SHISA9: variants seen among roughly 807,000 people sequenced by gnomAD.
SHISA9 encodes protein shisa-9.
A neutral mutation model predicts 38.0 loss-of-function variants in SHISA9; 13 were observed. The observed-to-expected ratio is 0.34, with a 90% CI of 0.22 to 0.54. The LOEUF (loss-of-function observed/expected upper bound fraction) is 0.54, where lower values mean the gene tolerates loss of function less well. Ranked by LOEUF, SHISA9 falls within the 20% of genes least tolerant of loss-of-function variation. SHISA9 has a pLI of 0.91. For synonymous variants in SHISA9, 275 were observed against 242.0 expected, an observed-to-expected ratio of 1.14 and a Z score of -1.27; for missense variants, 538 against 575.8, an observed-to-expected ratio of 0.93 and a Z score of 0.67.
chr16:13,401,350 T>A, the SHISA9 span, among the ~76,000 whole-genome samples: 2 of 152,178 alleles, frequency 1.3e-5, no homozygotes. Context: ...ACTGCCAGTC[T>A]GACTCCAGAG....
At chr16:12,925,379 C>T (rs895258634) in intron 2 of SHISA9, among the ~76,000 whole-genome samples, 4 of 151,556 alleles carry the variant, frequency 2.6e-5, no homozygotes, top group Non-Finnish European at 4.4e-5. Flanking sequence ...CAGACCAGGT[C>T]AGTAAGAATC....
chr16:13,550,043 A>G, the SHISA9 span, among the ~76,000 whole-genome samples: 1 of 150,862 alleles, frequency 6.6e-6, no homozygotes. Flanking sequence ...AAAATAAAGT[A>G]TATATATTAG....
chr16:12,994,798 C>T (rs1029978914), intron 2 of SHISA9, among the ~76,000 whole-genome samples: 2 of 152,092 alleles, frequency 1.3e-5, no homozygotes, highest in Non-Finnish European at 2.9e-5. Context: ...GCAAGGATGT[C>T]CGTATCTTTG....
chr16:12,902,151 C>A lies in SHISA9; in HGVS notation c.87C>A (p.His29Gln), dbSNP rs760823740. The A allele has an allele frequency of 1.2e-5, 18 of 1,526,094 alleles. No individual in the cohort carries two copies. The South Asian group carries it at 1.3e-4, about 11-fold the overall frequency. The allele number at this position is 1,526,094 out of a possible 1,614,324, so 94.5% of individuals were successfully genotyped here. The change falls in exon 1 of 5, where the codon CAC becomes CAA. Residue 29 changes from histidine to glutamine, a missense_variant. This residue lies in a region of SHISA9 where 107 missense variants were observed against 103.0 expected (regional missense o/e 1.04). Transcript: ENST00000558583. ...GCCGGGCGCAGGAGCGAGCGGGACA[C>A]GGGCAGCTGGCGCAACTGGGCGGCG... ...RVCRAQERAG[H>Q]GQLAQLGGVL...
At chr16:13,554,442 AT>A in the SHISA9 span, among the ~76,000 whole-genome samples, 1 of 151,288 alleles carries the variant, frequency 6.6e-6, no homozygotes, top group Non-Finnish European at 1.5e-5. Flanking sequence ...GAAAAAAATC[AT>A]GGTAAAATCT....
intron 4 of SHISA9, among the ~76,000 whole-genome samples, chr16:13,230,582 G>C (rs950188647): frequency 7.9e-5 from 12 of 152,176 alleles, no homozygotes; most frequent in Admixed American, 6.5e-4. Context: ...AATGTTGCTG[G>C]GTTCAGGCAT....
At chr16:13,027,427 C>G (rs1023050766) in intron 2 of SHISA9, among the ~76,000 whole-genome samples, 1 of 152,116 alleles carries the variant, frequency 6.6e-6, no homozygotes, top group African/African-American at 2.4e-5. Flanking sequence ...TGCAACCCAG[C>G]AATTTTACTC....
intron 2 of SHISA9, among the ~76,000 whole-genome samples, chr16:13,113,342 G>GTA (rs760854429): frequency 2.0e-5 from 3 of 152,146 alleles, no homozygotes; most frequent in Non-Finnish European, 4.4e-5. Flanking sequence ...CAGTCACAGA[G>GTA]TATCTGCTGT....
the SHISA9 span, among the ~76,000 whole-genome samples, chr16:13,515,912 A>C: frequency 1.3e-5 from 2 of 152,238 alleles, no homozygotes; most frequent in African/African-American, 2.4e-5. Flanking sequence ...CATGTTTCAC[A>C]CATTGTCATT....
the SHISA9 span, among the ~76,000 whole-genome samples, chr16:13,476,959 G>A: frequency 6.6e-6 from 1 of 151,800 alleles, no homozygotes; most frequent in South Asian, 2.1e-4. Context: ...CTGTGTCCAG[G>A]ATGGTCTCGA....
intron 2 of SHISA9, among the ~76,000 whole-genome samples, chr16:13,028,391 G>T (rs2072951022): frequency 6.6e-6 from 1 of 152,084 alleles, no homozygotes; most frequent in Admixed American, 6.6e-5. Flanking sequence ...AAGAGAAAGA[G>T]GTTGAATGGA....
chr16:13,278,891 A>G, the SHISA9 span, among the ~76,000 whole-genome samples: 43 of 151,592 alleles, frequency 2.8e-4, no homozygotes, highest in African/African-American at 1.0e-3. Flanking sequence ...TATCTTTTGT[A>G]TTTTTTTGGT....
chr16:13,257,030 A>T, the SHISA9 span, among the ~76,000 whole-genome samples: 5 of 152,230 alleles, frequency 3.3e-5, no homozygotes, highest in Non-Finnish European at 7.3e-5. Context: ...TAAGAACTCC[A>T]ACTTTAGAAA....
chr16:13,243,240 CAAA>C (rs112827362), downstream of SHISA9, among the ~76,000 whole-genome samples: 4 of 126,462 alleles, frequency 3.2e-5, no homozygotes, highest in Non-Finnish European at 6.8e-5. Context: ...GACTCTGTCT[CAAA>C]AAAAAAAAAA....
Position 13,236,302 on chromosome 16 carries a change from T to G in SHISA9, c.*893T>G, listed in dbSNP as rs1387527808. Reference sequence around the variant, plus strand: ...ACAGATAAAAACGGCAAATTAGGTGTTTTTTTTTTTTCAAAAATCTTGAAG... The same window carrying G: ...ACAGATAAAAACGGCAAATTAGGTGGTTTTTTTTTTTCAAAAATCTTGAAG... On this transcript the variant is annotated 3_prime_UTR_variant, in exon 5 of 5. Transcript: ENST00000558583. 1.1e-3 allele frequency: 6 copies of G among 5,534 alleles called. No homozygotes were observed. Among genetic ancestry groups the G allele is most frequent in the Non-Finnish European group, 2.1e-3 (6 of 2,804 alleles). The allele number at this position is 5,534 out of a possible 1,614,324, so 0.3% of individuals were successfully genotyped here.
the SHISA9 span, among the ~76,000 whole-genome samples, chr16:13,275,217 G>T: frequency 6.6e-6 from 1 of 151,912 alleles, no homozygotes; most frequent in Non-Finnish European, 1.5e-5. Flanking sequence ...TATTAATATT[G>T]GTTGTTTTTC....
At chr16:13,222,786 G>A (rs201083696) in intron 4 of SHISA9, among the ~76,000 whole-genome samples, 3 of 64,634 alleles carry the variant, frequency 4.6e-5, no homozygotes, top group East Asian at 1.5e-3. Context: ...CAAGGTGTGT[G>A]TGTATGTATA....
intron 2 of SHISA9, among the ~76,000 whole-genome samples, chr16:12,977,885 G>A (rs2072186094): frequency 6.6e-6 from 1 of 151,932 alleles, no homozygotes; most frequent in Admixed American, 6.6e-5. Flanking sequence ...TAATACTTAG[G>A]TAACGAGATG....
chr16:12,928,268 C>T (rs932242175), intron 2 of SHISA9, among the ~76,000 whole-genome samples: 1 of 151,608 alleles, frequency 6.6e-6, no homozygotes, highest in African/African-American at 2.4e-5. Flanking sequence ...TGAGTACCTA[C>T]TAAATACTAG....
Sources: gnomAD v4.1 joint callset for allele counts (sites outside exome capture counted in the v4.1 genomes callset) on GRCh38, gnomAD v4.1.1 for gene constraint, gnomAD v4.1.1 regional missense constraint, MANE v1.5 for transcripts, NCBI Gene and HGNC (gene_info 2026-07-23, HGNC 2026-07-21) for gene names.